IL17RD: variants seen among roughly 807,000 people sequenced by gnomAD.
IL17RD encodes interleukin-17 receptor D.
In IL17RD, 52 loss-of-function variants were observed where a neutral mutation model predicts 80.5. That is an observed-to-expected ratio of 0.65 (90% CI 0.52 to 0.81). IL17RD has a LOEUF of 0.81. IL17RD is among the 40% of genes least tolerant of loss of function. The pLI is 0.00. For missense variants in IL17RD, 1,024 were observed against 955.1 expected (o/e 1.07, Z -0.95); for synonymous variants, 416 against 391.8 (o/e 1.06, Z -0.73).
upstream of IL17RD, among the ~76,000 whole-genome samples, chr3:57,168,330 T>C (rs1356291142): frequency 6.6e-6 from 1 of 152,178 alleles, no homozygotes; most frequent in Admixed American, 6.5e-5. Flanking sequence ...CCACCCACTA[T>C]TGAATTCCCT....
intron 1 of IL17RD, among the ~76,000 whole-genome samples, chr3:57,123,544 C>T (rs912273604): frequency 5.3e-5 from 8 of 152,210 alleles, no homozygotes; most frequent in Admixed American, 1.3e-4. Flanking sequence ...CCTGACACAT[C>T]GGTCTGACTG....
chr3:57,141,373 A>G (rs1707824903), intron 1 of IL17RD, among the ~76,000 whole-genome samples: 1 of 152,242 alleles, frequency 6.6e-6, no homozygotes, highest in Non-Finnish European at 1.5e-5. Context: ...TTTCATCTTT[A>G]AAAGCTTGAC....
intron 1 of IL17RD, among the ~76,000 whole-genome samples, chr3:57,144,816 C>T (rs929856386): frequency 6.6e-6 from 1 of 152,188 alleles, no homozygotes; most frequent in Admixed American, 6.5e-5. Context: ...AGCCAGGGTC[C>T]TTCTCCCCAC....
At chr3:57,143,870 C>T (rs1707876781) in intron 1 of IL17RD, among the ~76,000 whole-genome samples, 1 of 152,210 alleles carries the variant, frequency 6.6e-6, no homozygotes, top group Non-Finnish European at 1.5e-5. Flanking sequence ...CAAATTAGAA[C>T]ACAGCGTTAC....
At chr3:57,142,036 T>G (rs1332013571) in intron 1 of IL17RD, among the ~76,000 whole-genome samples, 1 of 151,806 alleles carries the variant, frequency 6.6e-6, no homozygotes, top group African/African-American at 2.4e-5. Context: ...AAAAAAAAAT[T>G]CAAAAAGGGA....
upstream of IL17RD, among the ~76,000 whole-genome samples, chr3:57,165,550 G>A (rs931112392): frequency 6.7e-6 from 1 of 148,624 alleles, no homozygotes; most frequent in Admixed American, 6.8e-5. Context: ...GACTCTGGCA[G>A]CCGCAGTTTC....
intron 12 of IL17RD, 146 bp downstream of exon 12, chr3:57,097,450 A>T: frequency 1.5e-6 from 1 of 655,158 alleles, no homozygotes. Context: ...CACCTGGTAT[A>T]AATCAAGACT....
chr3:57,132,269 G>C (rs903545424), intron 1 of IL17RD, among the ~76,000 whole-genome samples: 1 of 151,436 alleles, frequency 6.6e-6, no homozygotes, highest in Non-Finnish European at 1.5e-5. Context: ...TCAGGAGTTC[G>C]AGACCAGCCT....
intron 1 of IL17RD, among the ~76,000 whole-genome samples, chr3:57,147,629 G>A (rs557961871): frequency 3.3e-5 from 5 of 152,096 alleles, no homozygotes; most frequent in South Asian, 2.1e-4. Context: ...GTAATAACTC[G>A]GAAACAGCCC....
At position 57,093,355 on chromosome 3, in the gene IL17RD, T is replaced by G. The variant is rs1380235482; in HGVS notation, c.*3038A>C. On this transcript the variant is annotated 3_prime_UTR_variant, in exon 13 of 13. Coordinates refer to ENST00000296318, the MANE Select transcript of IL17RD (RefSeq NM_017563.5). ...TTCTCTCTTCTTCAGGGAGCCAAAT[T>G]AGTGTTGAAGTTGGGGGGCCAGAGA... The G allele has an allele frequency of 2.0e-5, 3 of 152,214 alleles. No homozygotes were observed. Among genetic ancestry groups the G allele is most frequent in the Admixed American group, 2.0e-4 (3 of 15,280 alleles). 9.4% of individuals were successfully genotyped at this position (152,214 alleles called of 1,614,324 possible). A position where few individuals can be genotyped will look rare whatever the true frequency, so the allele number is the denominator to read the frequency against.
chr3:57,133,056 A>G (rs941447762), intron 1 of IL17RD, among the ~76,000 whole-genome samples: 21 of 152,252 alleles, frequency 1.4e-4, no homozygotes, highest in African/African-American at 4.8e-4. Context: ...CTCCTACTCC[A>G]GCCACAGCAA....
chr3:57,120,946 T>A (rs1707323630), intron 1 of IL17RD, among the ~76,000 whole-genome samples: 1 of 152,194 alleles, frequency 6.6e-6, no homozygotes, highest in Non-Finnish European at 1.5e-5. Flanking sequence ...CCATCTGCAC[T>A]CAATACCAGG....
chr3:57,150,253 A>C (rs1708027386), intron 1 of IL17RD: 1 of 152,186 alleles, frequency 6.6e-6, no homozygotes, highest in African/African-American at 2.4e-5. Context: ...ATCTGAGTTT[A>C]ATTTAATTAT....
chr3:57,100,645 C>G (rs1706805369), intron 11 of IL17RD, among the ~76,000 whole-genome samples: 1 of 152,170 alleles, frequency 6.6e-6, no homozygotes, highest in African/African-American at 2.4e-5. Context: ...TTCCACCAGT[C>G]AATGGTCAAA....
At chr3:57,160,908 G>A (rs2060300241) in intron 1 of IL17RD, among the ~76,000 whole-genome samples, 1 of 152,138 alleles carries the variant, frequency 6.6e-6, no homozygotes, top group Admixed American at 6.5e-5. Flanking sequence ...TTCTGATACT[G>A]GAAGGCCCAG....
intron 5 of IL17RD, among the ~76,000 whole-genome samples, chr3:57,107,162 A>G (rs1706983174): frequency 6.6e-6 from 1 of 152,150 alleles, no homozygotes; most frequent in Non-Finnish European, 1.5e-5. Flanking sequence ...GTGGATCATG[A>G]GATCAGGAGA....
Position 57,106,147 on chromosome 3 carries a change from G to T in IL17RD, c.558C>A (p.Asp186Glu). The T allele has an allele frequency of 6.2e-7, 1 of 1,611,020 alleles. No individual in the cohort carries two copies. Among genetic ancestry groups the T allele is most frequent in the Non-Finnish European group, 8.5e-7 (1 of 1,177,740 alleles). Residue 186 changes from aspartate to glutamate, a missense_variant, in exon 6 of 13, where the codon GAC becomes GAA. Transcript: ENST00000296318. ...CTAGATTGTCCGGCTGTAACAACAG[G>T]TCACAGGCTATTAAGAGAATAAAGA... ...HPFFFRTRAC[D>E]LLLQPDNLAC...
chr3:57,163,453 T>C (rs2107548956), intron 1 of IL17RD, among the ~76,000 whole-genome samples: 1 of 152,206 alleles, frequency 6.6e-6, no homozygotes, highest in South Asian at 2.1e-4. Flanking sequence ...CCCCACAGCA[T>C]GGAAACTTCA....
intron 1 of IL17RD, among the ~76,000 whole-genome samples, chr3:57,144,789 T>C (rs1707894032): frequency 6.6e-6 from 1 of 152,202 alleles, no homozygotes; most frequent in African/African-American, 2.4e-5. Flanking sequence ...CAAGGACCTG[T>C]GGGTGGGGCG....
Sources: gnomAD v4.1 joint callset for allele counts (sites outside exome capture counted in the v4.1 genomes callset) on GRCh38, gnomAD v4.1.1 for gene constraint, MANE v1.5 for transcripts, NCBI Gene and HGNC (gene_info 2026-07-23, HGNC 2026-07-21) for gene names.